OSBPL10: variants seen among roughly 807,000 people sequenced by gnomAD.
OSBPL10 encodes the protein oxysterol-binding protein-related protein 10.
Under a neutral mutation model 81.7 loss-of-function variants are expected in OSBPL10, and 49 were observed. The observed-to-expected ratio is 0.60, with a 90% confidence interval of 0.48 to 0.76. OSBPL10 has a LOEUF of 0.76. Ranked by LOEUF, OSBPL10 falls within the 30% of genes least tolerant of loss-of-function variation. The pLI, the probability that OSBPL10 is intolerant of heterozygous loss-of-function variation, is 0.00. For missense variants in OSBPL10, 923 were observed against 987.8 expected (o/e 0.93, Z 0.88); for synonymous variants, 419 against 383.6 (o/e 1.09, Z -1.08).
chr3:31,685,153 A>G lies in OSBPL10; in HGVS notation c.1246-1039T>C, dbSNP rs374916031. On this transcript the variant is annotated intron_variant, in intron 7 of 11. Transcript: ENST00000396556. Reference sequence around the variant, plus strand: ...CTGCTTTTTAAAGAAGAGAAAGTCCATTTTTCACTGTCCTAGAGTGATCTT... The same window carrying G: ...CTGCTTTTTAAAGAAGAGAAAGTCCGTTTTTCACTGTCCTAGAGTGATCTT... Among the ~76,000 whole-genome samples the G allele has an allele frequency of 2.6e-5, 4 of 152,292 alleles. No individual in the cohort carries two copies. The East Asian group carries it at 7.7e-4, about 29-fold the overall frequency.
At chr3:31,901,017 G>A (rs1483442246) in intron 1 of OSBPL10, among the ~76,000 whole-genome samples, 1 of 152,160 alleles carries the variant, frequency 6.6e-6, no homozygotes, top group African/African-American at 2.4e-5. Flanking sequence ...CAACTCTACT[G>A]TAAATCTAAA....
intron 7 of OSBPL10, among the ~76,000 whole-genome samples, chr3:31,688,281 T>TCACACA (rs1380099717): frequency 0.032 from 3,633 of 113,788 alleles, 82 homozygotes; most frequent in Non-Finnish European, 0.044. Context: ...TCTCTCTCTC[T>TCACACA]CTCACACACA....
At chr3:31,684,257 G>A (rs1436678464) in intron 7 of OSBPL10, 143 bp from the exon 8 acceptor site, 24 of 1,079,410 alleles carry the variant, frequency 2.2e-5, no homozygotes, top group Non-Finnish European at 3.1e-5. Flanking sequence ...GTGCACACAT[G>A]ACAAACCAAG....
chr3:32,047,082 G>C (rs12715190), intron 1 of OSBPL10, among the ~76,000 whole-genome samples: 133,649 of 152,186 alleles, frequency 0.88, 59,248 homozygotes, highest in East Asian at 1. Flanking sequence ...TCACTGCAAC[G>C]TCTGCTAATC....
At chr3:32,071,464 C>A (rs4955230) in intron 1 of OSBPL10, among the ~76,000 whole-genome samples, 91,087 of 145,806 alleles carry the variant, frequency 0.62, 31,091 homozygotes, top group East Asian at 0.79. Context: ...TCATCCCAAC[C>A]CTTTTCATTA....
intron 4 of OSBPL10, among the ~76,000 whole-genome samples, chr3:31,771,350 C>T (rs1037599271): frequency 6.6e-6 from 1 of 151,662 alleles, no homozygotes; most frequent in Non-Finnish European, 1.5e-5. Context: ...TCAGCACTAA[C>T]TGAGTGGGTA....
At chr3:32,022,570 G>A (rs1699370814) in intron 2 of OSBPL10, among the ~76,000 whole-genome samples, 1 of 152,140 alleles carries the variant, frequency 6.6e-6, no homozygotes, top group South Asian at 2.1e-4. Flanking sequence ...TGGATTGCTT[G>A]AGCTCAGGAG....
intron 8 of OSBPL10, among the ~76,000 whole-genome samples, chr3:31,679,764 A>G (rs1243135908): frequency 6.6e-6 from 1 of 152,216 alleles, no homozygotes; most frequent in African/African-American, 2.4e-5. Context: ...TTTTACCAAT[A>G]TAAACCTCAT....
At chr3:31,703,244 T>C (rs749993616) in intron 6 of OSBPL10, among the ~76,000 whole-genome samples, 1 of 152,202 alleles carries the variant, frequency 6.6e-6, no homozygotes, top group African/African-American at 2.4e-5. Context: ...AATTTTCCAG[T>C]ATCCAAGTAT....
intron 1 of OSBPL10, among the ~76,000 whole-genome samples, chr3:31,895,293 G>A (rs530020072): frequency 5.9e-5 from 9 of 151,346 alleles, no homozygotes; most frequent in African/African-American, 1.2e-4. Context: ...CACCACGCCC[G>A]GCTAATTTTT....
chr3:31,775,506 TA>T (rs869200489), intron 4 of OSBPL10, among the ~76,000 whole-genome samples: 1 of 96,390 alleles, frequency 1.0e-5, no homozygotes, highest in South Asian at 4.4e-4. Flanking sequence ...TTGAAATTTT[TA>T]GTAATGTTAA....
chr3:31,864,426 G>C (rs1701126624), intron 3 of OSBPL10, among the ~76,000 whole-genome samples: 1 of 152,104 alleles, frequency 6.6e-6, no homozygotes, highest in Admixed American at 6.5e-5. Flanking sequence ...ATTTTTGGTA[G>C]ACAGGGTTTC....
chr3:31,935,514 A>G (rs897623150), intron 1 of OSBPL10, among the ~76,000 whole-genome samples: 1 of 144,450 alleles, frequency 6.9e-6, no homozygotes, highest in Non-Finnish European at 1.5e-5. Flanking sequence ...TATGAAATAG[A>G]TTTTTTTTTT....
intron 2 of OSBPL10, chr3:32,030,334 G>T: frequency 2.0e-6 from 1 of 490,070 alleles, no homozygotes; most frequent in Non-Finnish European, 3.8e-6. Context: ...GGGAATGGGC[G>T]CCGTTCAAAA....
At chr3:31,961,893 C>T (rs1435844694) in intron 1 of OSBPL10, among the ~76,000 whole-genome samples, 1 of 145,664 alleles carries the variant, frequency 6.9e-6, no homozygotes, top group African/African-American at 2.7e-5. Flanking sequence ...TTTGGCATCA[C>T]CAGTTTTGTT....
At chr3:31,822,708 G>A (rs1229957809) in intron 4 of OSBPL10, among the ~76,000 whole-genome samples, 5 of 151,698 alleles carry the variant, frequency 3.3e-5, no homozygotes, top group African/African-American at 9.7e-5. Flanking sequence ...CCAGGAGTTC[G>A]ACACCAGCCT....
At chr3:31,994,107 T>C (rs1413247260) in intron 2 of OSBPL10, among the ~76,000 whole-genome samples, 1 of 152,228 alleles carries the variant, frequency 6.6e-6, no homozygotes, top group Non-Finnish European at 1.5e-5. Flanking sequence ...TGCATTATGT[T>C]CAGTGAAAGA....
intron 2 of OSBPL10, among the ~76,000 whole-genome samples, chr3:31,994,490 A>ACGG (rs1699067773): frequency 7.1e-6 from 1 of 141,166 alleles, no homozygotes; most frequent in South Asian, 2.3e-4. Flanking sequence ...CAGGGAAAAA[A>ACGG]AGGATGGATG....
intron 4 of OSBPL10, 131 bp downstream of exon 4, chr3:31,829,909 T>C (rs1300752736): frequency 2.3e-6 from 2 of 872,704 alleles, no homozygotes; most frequent in African/African-American, 3.4e-5. Context: ...CACAGCCGTG[T>C]GGCTGGGAGG....
Sources: allele counts gnomAD v4.1 joint callset (sites outside exome capture counted in the v4.1 genomes callset), GRCh38; gene constraint gnomAD v4.1.1; transcripts MANE v1.5; gene names NCBI Gene and HGNC (gene_info 2026-07-23, HGNC 2026-07-21).